CHPT1: variants seen among roughly 807,000 people sequenced by gnomAD.
The protein encoded by CHPT1 is cholinephosphotransferase 1.
CHPT1 carries 36 observed loss-of-function variants against 47.6 expected under a neutral mutation model. The observed-to-expected ratio is 0.76, with a 90% CI of 0.58 to 1.00. CHPT1 has a LOEUF of 1.00. Ranked by LOEUF, CHPT1 falls within the 50% of genes least tolerant of loss-of-function variation. The pLI is 0.00. For synonymous variants in CHPT1, 194 were observed against 186.3 expected (o/e 1.04, Z -0.33); for missense variants, 458 against 498.1 (o/e 0.92, Z 0.77).
Position 101,716,743 on chromosome 12 carries a change from A to G in CHPT1, c.579A>G (p.Glu193=), listed in dbSNP as rs1183283544. The G allele has an allele frequency of 1.2e-6, 2 of 1,605,908 alleles. No individual in the cohort carries two copies. Among genetic ancestry groups the G allele is most frequent in the East Asian group, 2.2e-5 (1 of 44,548 alleles). Residue 193 remains glutamate, a synonymous_variant, in exon 4 of 9, where the codon GAA becomes GAG. Coordinates refer to ENST00000229266, the MANE Select transcript of CHPT1 (RefSeq NM_020244.3). ...MLRFGKVDVT[E]IQIALVIVFV... The stretch of plus-strand genomic sequence containing the variant: ...TCCTCTTTAGAGTGGATGTAACTGA[A>G]ATTCAGATAGCTTTAGTGATTGTCT...
chr12:101,718,333 T>C (rs1477805018), intron 4 of CHPT1, among the ~76,000 whole-genome samples: 1 of 152,112 alleles, frequency 6.6e-6, no homozygotes, highest in Non-Finnish European at 1.5e-5. Flanking sequence ...ACCACGCTGG[T>C]GTAGGATGTT....
intron 5 of CHPT1, 76 bp from the exon 6 acceptor site, chr12:101,723,092 A>G: frequency 7.4e-7 from 1 of 1,348,014 alleles, no homozygotes; most frequent in South Asian, 1.2e-5. Flanking sequence ...TGCACAAAAT[A>G]GATGGTCAGA....
intron 4 of CHPT1, among the ~76,000 whole-genome samples, chr12:101,718,409 C>G (rs920824894): frequency 6.6e-6 from 1 of 152,106 alleles, no homozygotes; most frequent in African/African-American, 2.4e-5. Context: ...TAAAACCACT[C>G]TAAAAAATTA....
At chr12:101,721,974 G>A (rs943827936) in intron 5 of CHPT1, among the ~76,000 whole-genome samples, 3 of 151,746 alleles carry the variant, frequency 2.0e-5, no homozygotes, top group Non-Finnish European at 2.9e-5. Context: ...CAGGAAAATC[G>A]ATTGAACCTG....
intron 4 of CHPT1, chr12:101,717,267 A>G (rs895106991): frequency 1.5e-5 from 7 of 454,804 alleles, no homozygotes; most frequent in Non-Finnish European, 2.7e-5. Context: ...GAATGTTTTT[A>G]TTTTCTGCCT....
At position 101,713,134 on chromosome 12, in the gene CHPT1, G is replaced by C. The variant is rs138492551; in HGVS notation, c.274-956G>C. Among the ~76,000 whole-genome samples, 528 of 148,638 alleles carry C rather than the reference G, an allele frequency of 3.6e-3. 8 individuals carry two copies. Among genetic ancestry groups the C allele is most frequent in the African/African-American group, 0.012 (505 of 41,184 alleles). The stretch of plus-strand genomic sequence containing the variant: ...GTCTAGGGTTAATTTATGCCTGCTG[G>C]TAAGGCAGTACACTTCTGAGAACTT... On this transcript the variant is annotated intron_variant, in intron 1 of 8. Transcript: ENST00000229266.
At chr12:101,726,497 G>A in intron 8 of CHPT1, 93 bp downstream of exon 8, 1 of 1,523,002 alleles carries the variant, frequency 6.6e-7, no homozygotes, top group Non-Finnish European at 8.8e-7. Flanking sequence ...CTGTGCAGGA[G>A]GCTAGTATAC....
At chr12:101,719,953 G>T in intron 4 of CHPT1, 170 bp from the exon 5 acceptor site, 1 of 276,042 alleles carries the variant, frequency 3.6e-6, no homozygotes, top group Non-Finnish European at 5.7e-6. Context: ...AAAAAAAAAA[G>T]TTAAAAAAAA....
intron 1 of CHPT1, among the ~76,000 whole-genome samples, chr12:101,709,388 CAAAAAAAAAAAA>C (rs544323245): frequency 1.4e-5 from 1 of 71,450 alleles, no homozygotes; most frequent in East Asian, 4.0e-4. Flanking sequence ...AGACCTGTGT[CAAAAAAAAAAAA>C]AAAAAAAAAA....
At chr12:101,707,984 G>A (rs1951656404) in intron 1 of CHPT1, among the ~76,000 whole-genome samples, 1 of 152,192 alleles carries the variant, frequency 6.6e-6, no homozygotes, top group Non-Finnish European at 1.5e-5. Context: ...ACCTCTGGAT[G>A]TTTTCTGGAA....
At position 101,705,035 on chromosome 12, in the gene CHPT1, C is replaced by T. The variant is rs61935724; in HGVS notation, c.273+6901C>T. Among the ~76,000 whole-genome samples the T allele has an allele frequency of 6.0e-3, 554 of 92,534 alleles. 45 individuals are homozygous for T. Among genetic ancestry groups the T allele is most frequent in the African/African-American group, 0.031 (452 of 14,354 alleles). The allele number at this position is 92,534 out of a possible 152,430, so 60.7% of individuals were successfully genotyped here. On this transcript the variant is annotated intron_variant, in intron 1 of 8. Coordinates refer to ENST00000229266, the MANE Select transcript of CHPT1 (RefSeq NM_020244.3). ...GCAAGTAGAGTCTAGAGTCTATGCC[C>T]CTAACCACTCTGCAAGAAAAACCTG...
intron 7 of CHPT1, among the ~76,000 whole-genome samples, 168 bp downstream of exon 7, chr12:101,724,015 G>A (rs1427139007): frequency 6.6e-6 from 1 of 152,048 alleles, no homozygotes; most frequent in Non-Finnish European, 1.5e-5. Flanking sequence ...TCAAGAGTTT[G>A]AGACCAACCT....
chr12:101,704,469 T>G (rs1327951871), intron 1 of CHPT1, among the ~76,000 whole-genome samples: 1 of 151,318 alleles, frequency 6.6e-6, no homozygotes, highest in Non-Finnish European at 1.5e-5. Context: ...TGGTGCAACC[T>G]TGGCTCACTG....
Position 101,723,726 on chromosome 12 carries a change from C to T in CHPT1, c.944C>T (p.Ala315Val). Residue 315 changes from alanine (A) to valine (V), a missense_variant, in exon 7 of 9, where the codon GCT becomes GTT. Coordinates refer to ENST00000229266, the MANE Select transcript of CHPT1 (RefSeq NM_020244.3). ...FAKVSQKLVVAHMTKSELYLQ... is the reference protein window; with the variant it reads ...FAKVSQKLVVVHMTKSELYLQ... ...TTTTGTTTAATTTTTTTATAGGTAG[C>T]TCACATGACCAAAAGTGAACTATAT... is the stretch of plus-strand genomic sequence containing the variant. 1 of 1,541,614 alleles carries T rather than the reference C, an allele frequency of 6.5e-7. No homozygotes were observed. The highest frequency in any genetic ancestry group is 8.8e-7 in the Non-Finnish European group (1 of 1,142,546).
At chr12:101,713,508 G>C (rs1422003466) in intron 1 of CHPT1, among the ~76,000 whole-genome samples, 1 of 152,060 alleles carries the variant, frequency 6.6e-6, no homozygotes, top group Non-Finnish European at 1.5e-5. Context: ...CCTGCACTGT[G>C]GCCTGGAAAC....
intron 5 of CHPT1, 77 bp from the exon 6 acceptor site, chr12:101,723,091 T>C (rs1951881838): frequency 1.3e-5 from 18 of 1,346,920 alleles, no homozygotes; most frequent in South Asian, 1.2e-5. Context: ...TTGCACAAAA[T>C]AGATGGTCAG....
intron 1 of CHPT1, among the ~76,000 whole-genome samples, chr12:101,707,384 T>G: frequency 6.6e-6 from 1 of 152,202 alleles, no homozygotes; most frequent in Non-Finnish European, 1.5e-5. Context: ...GTAAGATTAG[T>G]TTAGGAGTGG....
At chr12:101,719,387 C>T (rs761709156) in intron 4 of CHPT1, 3 of 429,702 alleles carry the variant, frequency 7.0e-6, no homozygotes, top group Non-Finnish European at 8.9e-6. Context: ...GTAGTTTCCA[C>T]AAATTTTGGT....
In CHPT1 at chr12:101,714,497, C is replaced by A. The variant is rs774142532; in HGVS notation, c.422-7C>A. ...TCTTAATGATTCTTAAACTTTGTTT[C>A]TTTCAGTATTTATGGCAGTGGGAGC... On this transcript the variant is annotated splice_region_variant and splice_polypyrimidine_tract_variant and intron_variant, in intron 2 of 8. Coordinates refer to ENST00000229266, the MANE Select transcript of CHPT1 (RefSeq NM_020244.3). 7.6e-6 allele frequency: 12 copies of A among 1,589,054 alleles called. No individual in the cohort carries two copies. The highest frequency in any genetic ancestry group is 1.2e-5 in the South Asian group (1 of 85,800).
Sources: gnomAD v4.1 joint callset for allele counts (sites outside exome capture counted in the v4.1 genomes callset) on GRCh38, gnomAD v4.1.1 for gene constraint, MANE v1.5 for transcripts, NCBI Gene and HGNC (gene_info 2026-07-23, HGNC 2026-07-21) for gene names.